The following GRAMD1B variants were observed in gnomAD, a reference collection of about 807,000 sequenced individuals.
The protein encoded by GRAMD1B is GRAM domain containing 1B, also known as protein Aster-B.
Under a neutral mutation model 99.7 loss-of-function variants are expected in GRAMD1B, and 37 were observed. The ratio of observed to expected loss-of-function variants is 0.37; its 90% CI spans 0.29 to 0.49. The LOEUF is 0.49. Among genes scored for constraint, GRAMD1B ranks in the 20% least tolerant of loss-of-function variants. GRAMD1B has a pLI of 0.98. For synonymous variants in GRAMD1B, 427 were observed against 387.6 expected (o/e 1.10, Z -1.19); for missense variants, 888 against 1,009.2 (o/e 0.88, Z 1.63).
chr11:123,487,596 T>C (rs1381735213), intron 2 of GRAMD1B, among the ~76,000 whole-genome samples: 2 of 152,096 alleles, frequency 1.3e-5, no homozygotes, highest in East Asian at 3.9e-4. Flanking sequence ...TAAGTTACGT[T>C]TTTTTGTTTG....
At chr11:123,446,367 T>G (rs558002544) in intron 1 of GRAMD1B, among the ~76,000 whole-genome samples, 1 of 152,062 alleles carries the variant, frequency 6.6e-6, no homozygotes, top group South Asian at 2.1e-4. Context: ...GGTTTCACCA[T>G]GTTGGCCAGG....
intron 2 of GRAMD1B, among the ~76,000 whole-genome samples, chr11:123,538,712 C>T (rs551302421): frequency 4.6e-5 from 7 of 151,910 alleles, no homozygotes; most frequent in African/African-American, 7.3e-5. Flanking sequence ...CTCTGCTTCC[C>T]GGGTTCAAGC....
chr11:123,415,058 C>A (rs928727535), intron 1 of GRAMD1B, among the ~76,000 whole-genome samples: 2 of 150,110 alleles, frequency 1.3e-5, no homozygotes, highest in Non-Finnish European at 3.0e-5. Context: ...TGCCAGGCTG[C>A]CTTTTCTTTT....
intron 1 of GRAMD1B, among the ~76,000 whole-genome samples, chr11:123,479,140 T>C (rs1951453146): frequency 6.6e-6 from 1 of 152,184 alleles, no homozygotes; most frequent in South Asian, 2.1e-4. Flanking sequence ...GAGAAAGGGA[T>C]TCCGTACACA....
At chr11:123,527,249 C>A (rs893200861) in intron 2 of GRAMD1B, among the ~76,000 whole-genome samples, 5 of 152,060 alleles carry the variant, frequency 3.3e-5, no homozygotes, top group African/African-American at 1.2e-4. Context: ...GGGTGTTGAG[C>A]GATTTGAGGC....
chr11:123,482,686 T>C (rs1565288404), intron 2 of GRAMD1B, among the ~76,000 whole-genome samples: 1 of 152,240 alleles, frequency 6.6e-6, no homozygotes, highest in Admixed American at 6.5e-5. Context: ...TCGTGTATTA[T>C]TCCAGTTCTT....
chr11:123,387,516 T>C (rs953391472), intron 1 of GRAMD1B, among the ~76,000 whole-genome samples: 2 of 152,082 alleles, frequency 1.3e-5, no homozygotes, highest in African/African-American at 4.8e-5. Context: ...GAGTGGGCTC[T>C]TGTGCCAGGT....
At chr11:123,482,245 A>C (rs1163843937) in intron 2 of GRAMD1B, among the ~76,000 whole-genome samples, 1 of 151,944 alleles carries the variant, frequency 6.6e-6, no homozygotes, top group East Asian at 1.9e-4. Flanking sequence ...ATTACAGGCA[A>C]GTGCTACCAT....
intron 1 of GRAMD1B, among the ~76,000 whole-genome samples, chr11:123,462,891 T>TAAATAAATAAA (rs1950497568): frequency 1.8e-5 from 2 of 111,410 alleles, no homozygotes; most frequent in African/African-American, 3.1e-5. Context: ...AAAAATAAAT[T>TAAATAAATAAA]AAAAAAAAAA....
intron 3 of GRAMD1B, among the ~76,000 whole-genome samples, chr11:123,581,570 C>T (rs1401836293): frequency 1.3e-5 from 2 of 152,150 alleles, no homozygotes; most frequent in African/African-American, 2.4e-5. Context: ...CTGCTTTGGA[C>T]GTGGCTGGAG....
intron 1 of GRAMD1B, among the ~76,000 whole-genome samples, chr11:123,388,731 G>C (rs1477436030): frequency 6.6e-6 from 1 of 151,460 alleles, no homozygotes; most frequent in Non-Finnish European, 1.5e-5. Flanking sequence ...GAGGTCAGAG[G>C]GAGCTTTTTT....
At chr11:123,468,139 GGT>G (rs1950799367) in intron 1 of GRAMD1B, among the ~76,000 whole-genome samples, 1 of 152,106 alleles carries the variant, frequency 6.6e-6, no homozygotes, top group Admixed American at 6.5e-5. Context: ...TGGGATTACA[GGT>G]GTGAGTCACC....
chr11:123,391,332 C>T (rs1782228482), intron 1 of GRAMD1B, among the ~76,000 whole-genome samples: 1 of 152,212 alleles, frequency 6.6e-6, no homozygotes, highest in East Asian at 1.9e-4. Flanking sequence ...CTAATCTTCT[C>T]TTGCTTTCTC....
chr11:123,620,967 G>C (rs920521662), intron 19 of GRAMD1B, among the ~76,000 whole-genome samples: 1 of 152,082 alleles, frequency 6.6e-6, no homozygotes, highest in Non-Finnish European at 1.5e-5. Context: ...ATGACCCAGG[G>C]GTCTCTTCCA....
intron 1 of GRAMD1B, among the ~76,000 whole-genome samples, chr11:123,442,078 C>T (rs1171264303): frequency 1.3e-5 from 2 of 152,108 alleles, no homozygotes; most frequent in Non-Finnish European, 2.9e-5. Context: ...GGGGTTTTCT[C>T]CCCACACACC....
chr11:123,539,327 TGTG>T (rs960873108), intron 2 of GRAMD1B, among the ~76,000 whole-genome samples: 1 of 152,076 alleles, frequency 6.6e-6, no homozygotes, highest in Non-Finnish European at 1.5e-5. Flanking sequence ...TTGGGTTAAA[TGTG>T]GTGGCTCACG....
At chr11:123,451,779 T>C (rs554001140) in intron 1 of GRAMD1B, among the ~76,000 whole-genome samples, 4 of 152,278 alleles carry the variant, frequency 2.6e-5, no homozygotes, top group East Asian at 3.9e-4. Context: ...GGCTGGCTTC[T>C]TCTCTTGAAA....
intron 2 of GRAMD1B, among the ~76,000 whole-genome samples, chr11:123,502,962 C>T (rs1940031645): frequency 6.6e-6 from 1 of 152,108 alleles, no homozygotes; most frequent in Non-Finnish European, 1.5e-5. Flanking sequence ...CATGTGATCC[C>T]GTGGCTGACT....
chr11:123,586,555 C>G (rs985114285), intron 4 of GRAMD1B, among the ~76,000 whole-genome samples: 1 of 152,226 alleles, frequency 6.6e-6, no homozygotes, highest in Admixed American at 6.5e-5. Context: ...CCTCGGGTGA[C>G]AGGGCACCCT....
Sources: allele counts gnomAD v4.1 joint callset (sites outside exome capture counted in the v4.1 genomes callset), GRCh38; gene constraint gnomAD v4.1.1; transcripts MANE v1.5; gene names NCBI Gene and HGNC (gene_info 2026-07-23, HGNC 2026-07-21).